Variants in CTNNA3 observed in about 807,000 individuals in gnomAD.
CTNNA3 encodes catenin alpha-3.
CTNNA3 carries 76 observed loss-of-function variants against 95.7 expected under a neutral mutation model. The observed-to-expected ratio is 0.79, with a 90% CI of 0.66 to 0.96. The LOEUF is 0.96. CTNNA3 is among the 40% of genes least tolerant of loss of function. CTNNA3 has a pLI of 0.00. For missense variants in CTNNA3, 1,191 were observed against 1,089.8 expected (o/e 1.09, Z -1.31); for synonymous variants, 431 against 374.4 (o/e 1.15, Z -1.74).
intron 7 of CTNNA3, among the ~76,000 whole-genome samples, chr10:67,077,812 T>C (rs1411962089): frequency 1.3e-5 from 2 of 151,832 alleles, no homozygotes; most frequent in Non-Finnish European, 2.9e-5. Flanking sequence ...ATTTATTAAA[T>C]GAATGAATTA....
intron 9 of CTNNA3, among the ~76,000 whole-genome samples, chr10:66,694,908 A>G (rs1304906087): frequency 3.3e-5 from 5 of 152,146 alleles, no homozygotes; most frequent in Non-Finnish European, 7.4e-5. Context: ...ATTATACTAA[A>G]TTTCTTTCAG....
chr10:65,978,153 G>A (rs940073807), intron 16 of CTNNA3, among the ~76,000 whole-genome samples: 3 of 151,388 alleles, frequency 2.0e-5, no homozygotes, highest in Non-Finnish European at 4.4e-5. Context: ...TTTTGTTTAT[G>A]AATATGCCTA....
chr10:66,731,962 G>C (rs1318399982), intron 9 of CTNNA3, among the ~76,000 whole-genome samples: 1 of 152,142 alleles, frequency 6.6e-6, no homozygotes, highest in Admixed American at 6.5e-5. Context: ...TCCCTTCAAA[G>C]TGATTTGAAA....
At chr10:67,199,559 C>T (rs1589853980) in intron 6 of CTNNA3, among the ~76,000 whole-genome samples, 1 of 151,970 alleles carries the variant, frequency 6.6e-6, no homozygotes, top group African/African-American at 2.4e-5. Flanking sequence ...TTAGTAGAGA[C>T]AGGGTTTCAC....
At chr10:67,215,037 T>C (rs1413349093) in intron 6 of CTNNA3, among the ~76,000 whole-genome samples, 2 of 152,030 alleles carry the variant, frequency 1.3e-5, no homozygotes, top group African/African-American at 4.8e-5. Flanking sequence ...CTGAATTGTA[T>C]ATTATAATAT....
chr10:66,734,288 T>C (rs1267052929), intron 9 of CTNNA3, among the ~76,000 whole-genome samples: 1 of 152,108 alleles, frequency 6.6e-6, no homozygotes. Flanking sequence ...CCTTTTAAGT[T>C]GTTTTTCTTC....
intron 10 of CTNNA3, among the ~76,000 whole-genome samples, chr10:66,603,393 G>T (rs1310595537): frequency 6.6e-6 from 1 of 151,872 alleles, no homozygotes; most frequent in African/African-American, 2.4e-5. Context: ...GAAGTAAAAG[G>T]TCTTTGCAAA....
chr10:66,645,264 G>A (rs1845665943), intron 9 of CTNNA3, among the ~76,000 whole-genome samples: 1 of 152,016 alleles, frequency 6.6e-6, no homozygotes, highest in Non-Finnish European at 1.5e-5. Context: ...GTGGTATCAA[G>A]GACTCTGCCT....
In CTNNA3 at chr10:66,500,123, A is replaced by G. The variant is rs185186293; in HGVS notation, c.1531+20494T>C. On this transcript the variant is annotated intron_variant, in intron 11 of 17. Transcript: ENST00000433211. The stretch of plus-strand genomic sequence containing the variant: ...GCCAATAGTTGCATTTCTTAAGAAA[A>G]AAAGATTTTAAAAGCCACAAACAAA... Among the ~76,000 whole-genome samples, 290 of 152,220 alleles carry G rather than the reference A, an allele frequency of 1.9e-3. 4 individuals carry two copies. The highest frequency in any genetic ancestry group is 9.2e-3 in the Admixed American group (140 of 15,282).
chr10:66,566,520 C>G (rs942497052), intron 10 of CTNNA3, among the ~76,000 whole-genome samples: 24 of 152,136 alleles, frequency 1.6e-4, no homozygotes, highest in African/African-American at 5.6e-4. Context: ...AACGCAAAAG[C>G]AATTTTCATG....
At chr10:67,562,924 A>G (rs1360932553) in intron 3 of CTNNA3, among the ~76,000 whole-genome samples, 2 of 152,140 alleles carry the variant, frequency 1.3e-5, no homozygotes, top group African/African-American at 4.8e-5. Flanking sequence ...TAGGAATCCA[A>G]CTTACAAGGG....
At chr10:66,185,241 A>G (rs2131867325) in intron 13 of CTNNA3, among the ~76,000 whole-genome samples, 1 of 152,316 alleles carries the variant, frequency 6.6e-6, no homozygotes, top group Admixed American at 6.5e-5. Context: ...ACTTTTGAAT[A>G]ACACAATTAG....
intron 2 of CTNNA3, among the ~76,000 whole-genome samples, chr10:67,645,922 T>C (rs1160841218): frequency 2.0e-5 from 3 of 147,894 alleles, no homozygotes; most frequent in African/African-American, 2.5e-5. Context: ...CTCCACTTGT[T>C]AATATATATA....
intron 13 of CTNNA3, among the ~76,000 whole-genome samples, chr10:66,248,361 G>GA (rs934297062): frequency 3.6e-5 from 5 of 139,924 alleles, no homozygotes; most frequent in Non-Finnish European, 6.4e-5. Context: ...AAAAAAAACA[G>GA]AAAAAAAATA....
intron 9 of CTNNA3, among the ~76,000 whole-genome samples, chr10:66,701,934 T>C (rs1413766819): frequency 3.3e-5 from 5 of 152,196 alleles, no homozygotes; most frequent in Admixed American, 1.3e-4. Context: ...ATTTTAATAA[T>C]TTTGTTAATG....
At chr10:67,107,459 A>G (rs1858703395) in intron 7 of CTNNA3, among the ~76,000 whole-genome samples, 1 of 152,240 alleles carries the variant, frequency 6.6e-6, no homozygotes, top group Non-Finnish European at 1.5e-5. Context: ...TCAAATAATT[A>G]TGTGAATTAA....
At chr10:66,072,329 C>T (rs2133609964) in intron 14 of CTNNA3, among the ~76,000 whole-genome samples, 1 of 152,328 alleles carries the variant, frequency 6.6e-6, no homozygotes, top group Non-Finnish European at 1.5e-5. Context: ...TGCTATAAAA[C>T]TTTCCTATGA....
At chr10:65,984,016 A>C (rs1428948715) in intron 16 of CTNNA3, among the ~76,000 whole-genome samples, 1 of 151,322 alleles carries the variant, frequency 6.6e-6, no homozygotes, top group African/African-American at 2.4e-5. Context: ...TAATATATGT[A>C]ATAGATGATA....
intron 9 of CTNNA3, among the ~76,000 whole-genome samples, chr10:66,729,689 T>C (rs1589180459): frequency 6.6e-6 from 1 of 152,232 alleles, no homozygotes; most frequent in South Asian, 2.1e-4. Flanking sequence ...TTGGATACAG[T>C]GTATATTGCT....
Sources: gnomAD v4.1 joint callset for allele counts (sites outside exome capture counted in the v4.1 genomes callset) on GRCh38, gnomAD v4.1.1 for gene constraint, MANE v1.5 for transcripts, NCBI Gene and HGNC (gene_info 2026-07-23, HGNC 2026-07-21) for gene names.